BABAM2: variants seen among roughly 807,000 people sequenced by gnomAD.
The protein encoded by BABAM2 is BRISC and BRCA1-A complex member 2.
In BABAM2, 31 loss-of-function variants were observed where a neutral mutation model predicts 54.7. That is an observed-to-expected ratio of 0.57 (90% CI 0.43 to 0.77). The LOEUF (loss-of-function observed/expected upper bound fraction) is 0.77, where lower values mean the gene tolerates loss of function less well. Among genes scored for constraint, BABAM2 ranks in the 30% least tolerant of loss-of-function variants. The pLI is 0.00. For synonymous variants in BABAM2, 167 were observed against 162.9 expected (o/e 1.03, Z -0.19); for missense variants, 364 against 455.8 (o/e 0.80, Z 1.83).
chr2:28,237,123 G>A, intron 7 of BABAM2, 79 bp from the exon 8 acceptor site: 2 of 1,231,148 alleles, frequency 1.6e-6, no homozygotes, highest in Non-Finnish European at 2.4e-6. Context: ...GATGAGAGAA[G>A]CCAAGTCTGC....
chr2:28,233,431 C>T, intron 7 of BABAM2: 1 of 368,158 alleles, frequency 2.7e-6, no homozygotes. Flanking sequence ...ATCACAAGGC[C>T]TTACCACCAT....
At chr2:27,991,998 C>T (rs892964622) in intron 4 of BABAM2, among the ~76,000 whole-genome samples, 3 of 152,174 alleles carry the variant, frequency 2.0e-5, no homozygotes, top group Non-Finnish European at 4.4e-5. Context: ...GTTTCAGTTT[C>T]TCCACATTCT....
rs374899033 is a variant in BABAM2 at position 28,026,959 on chromosome 2, AAT to A, written c.495+1549_495+1550del. 9.7e-4 allele frequency among the ~76,000 whole-genome samples: 9 copies of A among 9,286 alleles called. 1 individual carries two copies. Among genetic ancestry groups the A allele is most frequent in the Admixed American group, 2.1e-3 (1 of 466 alleles). The allele number at this position is 9,286 out of a possible 152,430, so 6.1% of individuals were successfully genotyped here. The stretch of plus-strand genomic sequence containing the variant: ...ATATAAATATATATTAATATATATA[AAT>A]ATATATATAAATATATAAATATATA... On this transcript the variant is annotated intron_variant, in intron 5 of 11. Transcript: ENST00000379624.
intron 3 of BABAM2, among the ~76,000 whole-genome samples, chr2:27,976,166 A>G (rs1671587882): frequency 6.6e-6 from 1 of 152,146 alleles, no homozygotes; most frequent in Non-Finnish European, 1.5e-5. Context: ...TTATGGTTAA[A>G]GATACACTTC....
In BABAM2 at chr2:28,237,184, G is replaced by A; in HGVS notation, c.681-18G>A. 1 of 1,601,186 alleles carries A rather than the reference G, an allele frequency of 6.2e-7. No individual in the cohort carries two copies. Among genetic ancestry groups the A allele is most frequent in the Non-Finnish European group, 8.6e-7 (1 of 1,168,398 alleles). On this transcript the variant is annotated intron_variant, in intron 7 of 11. Transcript: ENST00000379624. ...TTGAGCCCTAAGAGAAGTGTCCATT[G>A]TACTCTTGTCCTTTCAGTGCACTTG... is the stretch of plus-strand genomic sequence containing the variant.
chr2:28,037,312 G>A (rs1027440473), intron 5 of BABAM2, among the ~76,000 whole-genome samples: 7 of 151,980 alleles, frequency 4.6e-5, no homozygotes, highest in African/African-American at 1.7e-4. Context: ...AAATGGTAAC[G>A]TATATTATGC....
intron 7 of BABAM2, among the ~76,000 whole-genome samples, chr2:28,188,954 A>T (rs1355253569): frequency 1.3e-5 from 2 of 152,190 alleles, no homozygotes; most frequent in East Asian, 3.8e-4. Flanking sequence ...TAATCCCAAC[A>T]CTTTGGGAGG....
intron 4 of BABAM2, among the ~76,000 whole-genome samples, chr2:28,007,857 A>C (rs187749729): frequency 5.3e-5 from 8 of 152,208 alleles, no homozygotes; most frequent in Admixed American, 5.2e-4. Context: ...GTATTTTCAG[A>C]ATTGCTCTCC....
intron 6 of BABAM2, among the ~76,000 whole-genome samples, chr2:28,121,756 G>T (rs1289891107): frequency 6.6e-6 from 1 of 151,792 alleles, no homozygotes; most frequent in Non-Finnish European, 1.5e-5. Context: ...TTAAATGAAT[G>T]GTAGTACCCT....
At chr2:27,991,208 A>G (rs1672752193) in intron 4 of BABAM2, among the ~76,000 whole-genome samples, 1 of 152,204 alleles carries the variant, frequency 6.6e-6, no homozygotes. Flanking sequence ...CCAAGAACTT[A>G]TTAAATTCTC....
At chr2:28,006,819 G>A (rs113613110) in intron 4 of BABAM2, among the ~76,000 whole-genome samples, 68 of 151,932 alleles carry the variant, frequency 4.5e-4, no homozygotes, top group Admixed American at 1.1e-3. Flanking sequence ...CTCTGTATAC[G>A]ATATATTTAA....
chr2:28,285,651 G>A lies in BABAM2; in HGVS notation c.935-12687G>A, dbSNP rs145480114. ...ACATCCAATCCCAAACTTCAGGCCT[G>A]ACTCTCTGGATTTTTCACATAGTAA... On this transcript the variant is annotated intron_variant, in intron 10 of 11. Transcript: ENST00000379624. 9.2e-5 allele frequency among the ~76,000 whole-genome samples: 14 copies of A among 152,102 alleles called. No homozygotes were observed. The East Asian group carries it at 2.7e-3, about 29-fold the overall frequency.
chr2:28,160,881 A>G (rs114509543), intron 7 of BABAM2, among the ~76,000 whole-genome samples: 2,017 of 152,270 alleles, frequency 0.013, 40 homozygotes, highest in African/African-American at 0.045. Flanking sequence ...TGTAATCTGT[A>G]TAAGAGTTGT....
chr2:28,137,120 A>G (rs773165228), intron 7 of BABAM2, among the ~76,000 whole-genome samples: 3 of 152,228 alleles, frequency 2.0e-5, no homozygotes, highest in Non-Finnish European at 4.4e-5. Context: ...TGCCTTGAAA[A>G]AAAATCCGTA....
chr2:28,176,715 A>C (rs1330487575), intron 7 of BABAM2, among the ~76,000 whole-genome samples: 1 of 151,438 alleles, frequency 6.6e-6, no homozygotes, highest in Non-Finnish European at 1.5e-5. Flanking sequence ...CCAAATGGAA[A>C]TTCTGAAACT....
intron 7 of BABAM2, among the ~76,000 whole-genome samples, chr2:28,153,378 G>T (rs1422954517): frequency 6.6e-6 from 1 of 152,072 alleles, no homozygotes; most frequent in Non-Finnish European, 1.5e-5. Flanking sequence ...GCCTTACTTT[G>T]TTCATATACA....
intron 10 of BABAM2, among the ~76,000 whole-genome samples, chr2:28,278,654 A>G (rs1428791469): frequency 6.6e-6 from 1 of 152,218 alleles, no homozygotes; most frequent in African/African-American, 2.4e-5. Flanking sequence ...AGTAGAAGCC[A>G]CAGAGCTGGT....
In BABAM2 at chr2:28,244,787, G is replaced by A. The variant is rs748807354; in HGVS notation, c.859G>A (p.Val287Met). ...TATGTTTTTATTACTTAGAGGTGTC[G>A]TGGAATATGATGCAGAAGGCTTTAC... is the stretch of plus-strand genomic sequence containing the variant. ...AFLSHFGTGV[V>M]EYDAEGFTKL... is the part of the protein sequence containing the mutation. Residue 287 changes from valine to methionine, a missense_variant, in exon 10 of 12, where the codon GTG becomes ATG. Val to Met is a conservative substitution (Grantham distance 21, BLOSUM62 1). Coordinates refer to ENST00000379624, the MANE Select transcript of BABAM2 (RefSeq NM_199191.3). 1.9e-5 allele frequency: 31 copies of A among 1,613,420 alleles called. No homozygotes were observed. Among genetic ancestry groups the A allele is most frequent in the African/African-American group, 5.3e-5 (4 of 74,838 alleles).
At chr2:28,087,366 A>G (rs1183554440) in intron 6 of BABAM2, among the ~76,000 whole-genome samples, 1 of 152,162 alleles carries the variant, frequency 6.6e-6, no homozygotes, top group Non-Finnish European at 1.5e-5. Flanking sequence ...CAGAACAAAC[A>G]GCTATCCTGA....
Sources: allele counts gnomAD v4.1 joint callset (sites outside exome capture counted in the v4.1 genomes callset), GRCh38; gene constraint gnomAD v4.1.1; transcripts MANE v1.5; gene names NCBI Gene and HGNC (gene_info 2026-07-23, HGNC 2026-07-21).